Variants in NEGR1 observed in about 807,000 individuals in gnomAD.
NEGR1 encodes IgLON family member 4.
A neutral mutation model predicts 40.9 loss-of-function variants in NEGR1; 10 were observed. The ratio of observed to expected loss-of-function variants is 0.24; its 90% CI spans 0.15 to 0.42. The LOEUF (loss-of-function observed/expected upper bound fraction) is 0.42. Among genes scored for constraint, NEGR1 ranks in the 10% least tolerant of loss-of-function variants. The probability of loss-of-function intolerance (pLI) is 1.00; values close to 1 mark genes in which losing one functional copy is unlikely to be tolerated. For synonymous variants in NEGR1, 185 were observed against 166.8 expected (o/e 1.11, Z -0.84); for missense variants, 352 against 438.9 (o/e 0.80, Z 1.77).
rs112943817 is a variant in NEGR1, at chr1:71,397,971, T to G, written c.*9475A>C. On this transcript the variant is annotated 3_prime_UTR_variant, in exon 7 of 7. Coordinates refer to ENST00000357731, the MANE Select transcript of NEGR1 (RefSeq NM_173808.3). ...GATTTAAATGAAGCCAAGGTACAGC[T>G]TGGGCTGTTGCTTCAGACAGTGGAA... The G allele has an allele frequency of 6.6e-6, 1 of 152,268 alleles. No individual in the cohort carries two copies. Among genetic ancestry groups the G allele is most frequent in the Non-Finnish European group, 1.5e-5 (1 of 68,110 alleles). The allele number at this position is 152,268 out of a possible 1,614,324, so 9.4% of individuals were successfully genotyped here.
At chr1:72,212,157 C>CTAAAAGAA (rs1653631924) in intron 1 of NEGR1, among the ~76,000 whole-genome samples, 1 of 151,804 alleles carries the variant, frequency 6.6e-6, no homozygotes, top group Non-Finnish European at 1.5e-5. Flanking sequence ...TTTAAGTAAA[C>CTAAAAGAA]TAAAAGAATC....
chr1:71,513,555 T>C (rs377706551), intron 6 of NEGR1, among the ~76,000 whole-genome samples: 1 of 152,246 alleles, frequency 6.6e-6, no homozygotes, highest in African/African-American at 2.4e-5. Flanking sequence ...TTAAATCTGA[T>C]GTCTATGTTT....
chr1:71,705,781 GAAAGAAAGGA>G (rs577762136), intron 3 of NEGR1, among the ~76,000 whole-genome samples: 35 of 149,236 alleles, frequency 2.3e-4, no homozygotes, highest in Non-Finnish European at 5.1e-4. Context: ...AAAAGCAAAG[GAAAGAAAGGA>G]AAAGAAAAGA....
Position 71,867,102 on chromosome 1 carries a change from C to T in NEGR1, c.409+67977G>A, listed in dbSNP as rs537976320. On this transcript the variant is annotated intron_variant, in intron 2 of 6. Coordinates refer to ENST00000357731, the MANE Select transcript of NEGR1 (RefSeq NM_173808.3). ...GTACTGTGGCTCACGCCTGTAATCC[C>T]GGCACTTTGGGAGGCTGAGGTGGGC... is the stretch of plus-strand genomic sequence containing the variant. 5.3e-5 allele frequency among the ~76,000 whole-genome samples: 8 copies of T among 152,300 alleles called. No individual in the cohort carries two copies. The East Asian group carries it at 9.6e-4, about 18-fold the overall frequency.
chr1:72,259,831 G>A (rs1240901319), intron 1 of NEGR1, among the ~76,000 whole-genome samples: 1 of 152,012 alleles, frequency 6.6e-6, no homozygotes, highest in African/African-American at 2.4e-5. Context: ...TTCTATCGCA[G>A]GCAAAATCGC....
chr1:72,251,210 C>G (rs1165621740), intron 1 of NEGR1, among the ~76,000 whole-genome samples: 1 of 152,124 alleles, frequency 6.6e-6, no homozygotes, highest in Non-Finnish European at 1.5e-5. Context: ...GGCTGTAGTG[C>G]ACCTTAAAGA....
At chr1:71,448,877 G>C (rs969131166) in intron 6 of NEGR1, among the ~76,000 whole-genome samples, 1 of 152,160 alleles carries the variant, frequency 6.6e-6, no homozygotes, top group Admixed American at 6.5e-5. Flanking sequence ...GCACGATAAA[G>C]GGGCATAGGA....
chr1:72,119,803 A>G (rs1362704203), intron 1 of NEGR1, among the ~76,000 whole-genome samples: 6 of 151,954 alleles, frequency 3.9e-5, no homozygotes, highest in African/African-American at 1.4e-4. Flanking sequence ...CAAAATGTCA[A>G]TAGTGTTGAG....
intron 3 of NEGR1, among the ~76,000 whole-genome samples, chr1:71,772,730 C>A (rs2125776): frequency 0.74 from 112,669 of 151,522 alleles, 43,866 homozygotes; most frequent in East Asian, 0.86. Flanking sequence ...AGATAAAAAA[C>A]ACCTAGAGAT....
intron 1 of NEGR1, among the ~76,000 whole-genome samples, chr1:72,232,247 C>A (rs1654390929): frequency 6.6e-6 from 1 of 151,722 alleles, no homozygotes; most frequent in South Asian, 2.1e-4. Flanking sequence ...ATCCCAGCTA[C>A]TCGGAAGGCT....
intron 1 of NEGR1, among the ~76,000 whole-genome samples, chr1:72,066,177 C>T (rs1647267368): frequency 6.6e-6 from 1 of 152,068 alleles, no homozygotes; most frequent in African/African-American, 2.4e-5. Flanking sequence ...CAATTATACA[C>T]ATAAGAAGAC....
intron 2 of NEGR1, among the ~76,000 whole-genome samples, chr1:71,897,586 C>T (rs1269863512): frequency 2.6e-5 from 4 of 152,178 alleles, no homozygotes; most frequent in East Asian, 3.9e-4. Context: ...AAGAGAAAAA[C>T]GTAGTAGACC....
In NEGR1 at chr1:71,855,448, G is replaced by C. The variant is rs536211128; in HGVS notation, c.410-79151C>G. Among the ~76,000 whole-genome samples, 7 of 152,154 alleles carry C rather than the reference G, an allele frequency of 4.6e-5. No individual in the cohort carries two copies. The South Asian group carries it at 1.5e-3, about 32-fold the overall frequency. ...AGAAATAGGCAACTCAACTCTGGAG[G>C]AGGCTGCCATAGCCATTTAACTTCT... On this transcript the variant is annotated intron_variant, in intron 2 of 6. Coordinates refer to ENST00000357731, the MANE Select transcript of NEGR1 (RefSeq NM_173808.3).
At chr1:72,192,263 T>C (rs569398176) in intron 1 of NEGR1, among the ~76,000 whole-genome samples, 1 of 151,902 alleles carries the variant, frequency 6.6e-6, no homozygotes, top group Non-Finnish European at 1.5e-5. Flanking sequence ...ATTGCAGCAG[T>C]GCTACTTGAG....
At chr1:71,851,674 T>C (rs1659606042) in intron 2 of NEGR1, among the ~76,000 whole-genome samples, 1 of 152,116 alleles carries the variant, frequency 6.6e-6, no homozygotes, top group Non-Finnish European at 1.5e-5. Flanking sequence ...AGATTACTTC[T>C]CATGAAGAGG....
chr1:72,270,172 G>C (rs1655795171), intron 1 of NEGR1, among the ~76,000 whole-genome samples: 1 of 151,848 alleles, frequency 6.6e-6, no homozygotes, highest in Non-Finnish European at 1.5e-5. Flanking sequence ...GGCTATAAGA[G>C]TGGGAAAGAA....
chr1:71,577,261 A>G (rs2101500108), intron 6 of NEGR1, among the ~76,000 whole-genome samples: 1 of 152,316 alleles, frequency 6.6e-6, no homozygotes. Flanking sequence ...GGTGAAATAA[A>G]ATGTAGATGA....
chr1:71,968,118 T>C (rs548406241), intron 1 of NEGR1, among the ~76,000 whole-genome samples: 1 of 152,312 alleles, frequency 6.6e-6, no homozygotes, highest in East Asian at 1.9e-4. Context: ...ATTTACTCTC[T>C]CTAAAGTCTC....
chr1:71,464,128 C>G (rs1033876897), intron 6 of NEGR1, among the ~76,000 whole-genome samples: 2 of 152,016 alleles, frequency 1.3e-5, no homozygotes, highest in African/African-American at 4.8e-5. Flanking sequence ...AGTCTTCTGT[C>G]AACAGCTTGC....
Sources: allele counts gnomAD v4.1 joint callset (sites outside exome capture counted in the v4.1 genomes callset), GRCh38; gene constraint gnomAD v4.1.1; transcripts MANE v1.5; gene names NCBI Gene and HGNC (gene_info 2026-07-23, HGNC 2026-07-21).